The following ZC3H3 variants were observed in gnomAD, a reference collection of about 807,000 sequenced individuals.
ZC3H3 encodes zinc finger CCCH-type containing 3, also known as zinc finger CCCH domain-containing protein 3.
In ZC3H3, 36 loss-of-function variants were observed where a neutral mutation model predicts 77.3. The ratio of observed to expected loss-of-function variants is 0.47; its 90% CI spans 0.36 to 0.61. The LOEUF (loss-of-function observed/expected upper bound fraction) is 0.61. ZC3H3 is among the 20% of genes least tolerant of loss of function. The pLI, the probability that ZC3H3 is intolerant of heterozygous loss-of-function variation, is 0.00. For synonymous variants in ZC3H3, 626 were observed against 555.2 expected, an observed-to-expected ratio of 1.13 and a Z score of -1.79; for missense variants, 1,331 against 1,312.2, an observed-to-expected ratio of 1.01 and a Z score of -0.22.
chr8:143,475,837 C>T (rs1411223522), intron 4 of ZC3H3, among the ~76,000 whole-genome samples: 2 of 151,974 alleles, frequency 1.3e-5, no homozygotes, highest in Non-Finnish European at 2.9e-5. Flanking sequence ...ACAAGGAGTC[C>T]CAGGAGGTGG....
At position 143,530,331 on chromosome 8, in the gene ZC3H3, G is replaced by C. The variant is rs772711221; in HGVS notation, c.1561+5926C>G. 1.3e-5 allele frequency among the ~76,000 whole-genome samples: 2 copies of C among 152,194 alleles called. No individual in the cohort carries two copies. Among genetic ancestry groups the C allele is most frequent in the Non-Finnish European group, 2.9e-5 (2 of 68,038 alleles). ...TTCCAGGCCACGGGGGAAGGGGGCA[G>C]GCCACCGGCATGCATCCACCATCCT... On this transcript the variant is annotated intron_variant, in intron 3 of 11. Transcript: ENST00000262577. The surrounding 1 kb of genome is among the most constrained non-coding windows in gnomAD (Gnocchi z 4.3).
At chr8:143,484,879 G>A (rs542085519) in intron 4 of ZC3H3, 66 of 455,430 alleles carry the variant, frequency 1.4e-4, no homozygotes, top group African/African-American at 7.4e-4. Flanking sequence ...CAGCAAATCC[G>A]GCTCAGCTCC....
At chr8:143,485,930 G>A (rs748178623) in intron 4 of ZC3H3, among the ~76,000 whole-genome samples, 11 of 152,244 alleles carry the variant, frequency 7.2e-5, no homozygotes, top group African/African-American at 1.2e-4. Flanking sequence ...CAGGAGACAC[G>A]GGCCTGAGAA....
chr8:143,440,941 C>G lies in ZC3H3; in HGVS notation c.2487G>C (p.Gly829=), dbSNP rs766162032. ...TARSRVSASH[G]PRKPSASQRP... ...AGTGCCCACTGCCCCATCACCTGGG[C>G]CCGTGGCTGGCCGAGACCCTGCTCC... Residue 829 remains glycine (G), a synonymous_variant, in exon 10 of 12, where the codon GGG becomes GGC. Transcript: ENST00000262577. 5 of 1,428,832 alleles carry G rather than the reference C, an allele frequency of 3.5e-6. No homozygotes were observed. The highest frequency in any genetic ancestry group is 4.6e-6 in the Non-Finnish European group (5 of 1,096,080). The allele number at this position is 1,428,832 out of a possible 1,614,324, so 88.5% of individuals were successfully genotyped here. A position where few individuals can be genotyped will look rare whatever the true frequency, so the allele number is the denominator to read the frequency against.
chr8:143,450,812 C>T (rs534752162), intron 9 of ZC3H3, among the ~76,000 whole-genome samples: 11 of 152,212 alleles, frequency 7.2e-5, no homozygotes, highest in Middle Eastern at 3.4e-3. Context: ...ACTCCAACAT[C>T]GGGGATGATA....
intron 3 of ZC3H3, among the ~76,000 whole-genome samples, chr8:143,528,869 G>A (rs1469824286): frequency 2.6e-5 from 4 of 152,264 alleles, no homozygotes; most frequent in African/African-American, 9.6e-5. Flanking sequence ...AGGAGCTGCC[G>A]CAGCCTGAGG....
intron 4 of ZC3H3, among the ~76,000 whole-genome samples, chr8:143,490,244 G>A (rs1224800143): frequency 3.3e-5 from 5 of 152,182 alleles, no homozygotes; most frequent in East Asian, 1.9e-4. Flanking sequence ...TCTCACCCAC[G>A]GTCCCATCTC....
intron 9 of ZC3H3, among the ~76,000 whole-genome samples, chr8:143,450,625 C>T (rs993011894): frequency 1.3e-5 from 2 of 152,124 alleles, no homozygotes; most frequent in South Asian, 2.1e-4. Flanking sequence ...AGGCACTTCA[C>T]GCGGCTGAGC....
chr8:143,455,041 C>T (rs979749804), intron 9 of ZC3H3, among the ~76,000 whole-genome samples: 3 of 151,736 alleles, frequency 2.0e-5, no homozygotes, highest in Admixed American at 1.3e-4. Flanking sequence ...ATAGGCTGGG[C>T]GTGGTGGCTT....
At chr8:143,503,884 C>A (rs1460706021) in intron 4 of ZC3H3, among the ~76,000 whole-genome samples, 5 of 152,200 alleles carry the variant, frequency 3.3e-5, no homozygotes, top group Non-Finnish European at 5.9e-5. Flanking sequence ...GCCCCTATTA[C>A]AAACCCAGCC....
intron 1 of ZC3H3, among the ~76,000 whole-genome samples, chr8:143,540,523 T>C (rs2130532283): frequency 6.6e-6 from 1 of 152,288 alleles, no homozygotes; most frequent in East Asian, 1.9e-4. Context: ...GGCCACTGCG[T>C]CCGAACATGG....
Position 143,441,073 on chromosome 8 carries a change from C to T in ZC3H3, c.2355G>A (p.Gly785=), listed in dbSNP as rs375407866. 9.2e-4 allele frequency: 1,355 copies of T among 1,471,362 alleles called. No homozygotes were observed. The highest frequency in any genetic ancestry group is 1.2e-3 in the Non-Finnish European group (1,314 of 1,122,596). 91.1% of individuals were successfully genotyped at this position (1,471,362 alleles called of 1,614,324 possible). A position where few individuals can be genotyped will look rare whatever the true frequency, so the allele number is the denominator to read the frequency against. ...TLLCPDFARR[G]ACPRGAQCQL... is the part of the protein sequence containing the mutation. ...GGCACTGGGCGCCGCGGGGACACGC[C>T]CCCCTGCGGGCAAAGTCGGGGCACA... Residue 785 remains glycine (G), a synonymous_variant, in exon 10 of 12, where the codon GGG becomes GGA. Transcript: ENST00000262577.
chr8:143,472,803 C>T (rs753888289), intron 5 of ZC3H3, among the ~76,000 whole-genome samples: 1 of 152,216 alleles, frequency 6.6e-6, no homozygotes, highest in South Asian at 2.1e-4. Flanking sequence ...GTGCACGGTG[C>T]AGGGAGAATC....
rs574135193 is a variant in ZC3H3, at chr8:143,503,732, A to G, written c.1715+4014T>C. ...AGCCGGCTCCACCACCATCCCCTCC[A>G]GCACCCAGCCATCCCCCGACCACCT... On this transcript the variant is annotated intron_variant, in intron 4 of 11. Coordinates refer to ENST00000262577, the MANE Select transcript of ZC3H3 (RefSeq NM_015117.3). Among the ~76,000 whole-genome samples, 442 of 134,842 alleles carry G rather than the reference A, an allele frequency of 3.3e-3. 2 individuals carry two copies. The highest frequency in any genetic ancestry group is 5.2e-3 in the Non-Finnish European group (323 of 62,534). The allele number at this position is 134,842 out of a possible 152,430, so 88.5% of individuals were successfully genotyped here.
chr8:143,528,164 T>G (rs546932996), intron 3 of ZC3H3, among the ~76,000 whole-genome samples: 1 of 152,232 alleles, frequency 6.6e-6, no homozygotes, highest in Non-Finnish European at 1.5e-5. Flanking sequence ...GCAACCACCC[T>G]GCGGTGCACC....
At chr8:143,526,916 C>A (rs1037893545) in intron 3 of ZC3H3, among the ~76,000 whole-genome samples, 1 of 152,142 alleles carries the variant, frequency 6.6e-6, no homozygotes, top group African/African-American at 2.4e-5. Flanking sequence ...GAAAAGACAC[C>A]GCCAGGAGGC....
intron 9 of ZC3H3, among the ~76,000 whole-genome samples, chr8:143,463,851 T>C (rs185778221): frequency 1.3e-5 from 2 of 152,264 alleles, no homozygotes; most frequent in East Asian, 3.9e-4. Context: ...CTGGCAGAGG[T>C]TGACCCCTGA....
At chr8:143,480,244 T>C (rs906199486) in intron 4 of ZC3H3, among the ~76,000 whole-genome samples, 12 of 152,140 alleles carry the variant, frequency 7.9e-5, no homozygotes, top group Non-Finnish European at 1.6e-4. Flanking sequence ...GCAAACCTGG[T>C]GCATCCCCTG....
At chr8:143,449,497 G>A (rs908682902) in intron 9 of ZC3H3, among the ~76,000 whole-genome samples, 4 of 152,172 alleles carry the variant, frequency 2.6e-5, no homozygotes, top group Non-Finnish European at 5.9e-5. Context: ...CAAAACGGGT[G>A]GCTCACCTGA....
Sources: gnomAD v4.1 joint callset for allele counts (sites outside exome capture counted in the v4.1 genomes callset) on GRCh38, gnomAD v4.1.1 for gene constraint, Gnocchi (gnomAD v3.1) non-coding constraint, MANE v1.5 for transcripts, NCBI Gene and HGNC (gene_info 2026-07-23, HGNC 2026-07-21) for gene names.